SEPTIN9: variants seen among roughly 807,000 people sequenced by gnomAD.
The protein encoded by SEPTIN9 is septin 9.
SEPTIN9 carries 13 observed loss-of-function variants against 56.6 expected under a neutral mutation model. The observed-to-expected ratio is 0.23, with a 90% confidence interval of 0.15 to 0.37. SEPTIN9 has a LOEUF of 0.37. Among genes scored for constraint, SEPTIN9 ranks in the 10% least tolerant of loss-of-function variants. The pLI is 1.00. For missense variants in SEPTIN9, 650 were observed against 823.1 expected, an observed-to-expected ratio of 0.79 and a Z score of 2.57; for synonymous variants, 332 against 334.1, an observed-to-expected ratio of 0.99 and a Z score of 0.07.
chr17:77,324,411 C>G (rs1480541280), intron 2 of SEPTIN9, among the ~76,000 whole-genome samples: 1 of 152,140 alleles, frequency 6.6e-6, no homozygotes. Context: ...TTTGGGGTGG[C>G]CTTTGGCCTT....
At chr17:77,356,192 A>C (rs116587820) in intron 2 of SEPTIN9, among the ~76,000 whole-genome samples, 1 of 151,990 alleles carries the variant, frequency 6.6e-6, no homozygotes, top group Non-Finnish European at 1.5e-5. Context: ...AGCCTCATTC[A>C]TTTCTCCATC....
chr17:77,365,995 G>A lies in SEPTIN9; in HGVS notation c.77-36064G>A, dbSNP rs377349171. The stretch of plus-strand genomic sequence containing the variant: ...CCCACAGAGCAGGGTGCCTTCTTCA[G>A]AAAAACAGTAGGGAGGCCAGGACAC... On this transcript the variant is annotated intron_variant, in intron 2 of 11. Transcript: ENST00000427177. 3.9e-5 allele frequency among the ~76,000 whole-genome samples: 6 copies of A among 152,216 alleles called. 1 individual carries two copies. The highest frequency in any genetic ancestry group is 1.2e-4 in the African/African-American group (5 of 41,518).
intron 3 of SEPTIN9, among the ~76,000 whole-genome samples, chr17:77,439,280 T>C (rs114188504): frequency 0.023 from 3,468 of 152,218 alleles, 143 homozygotes; most frequent in African/African-American, 0.08. Flanking sequence ...GTAGCTACTG[T>C]ATCCAGGTGC....
At chr17:77,308,280 G>A (rs1427656576) in intron 2 of SEPTIN9, among the ~76,000 whole-genome samples, 1 of 152,250 alleles carries the variant, frequency 6.6e-6, no homozygotes, top group African/African-American at 2.4e-5. Flanking sequence ...AAAGGACACG[G>A]ACCCGGAGTC....
chr17:77,301,394 T>TTGTGTGTGTGTGTG (rs56947697), intron 1 of SEPTIN9, among the ~76,000 whole-genome samples: 22 of 142,408 alleles, frequency 1.5e-4, no homozygotes, highest in African/African-American at 5.3e-4. Context: ...GGGAATAGAT[T>TTGTGTGTGTGTGTG]TGTGTGTGTG....
intron 2 of SEPTIN9, among the ~76,000 whole-genome samples, chr17:77,380,807 G>GT: frequency 6.6e-6 from 1 of 152,328 alleles, no homozygotes; most frequent in East Asian, 1.9e-4. Flanking sequence ...CACCCCCAGG[G>GT]ACTCAGGTCT....
intron 2 of SEPTIN9, among the ~76,000 whole-genome samples, chr17:77,370,649 C>T (rs1392571451): frequency 6.6e-6 from 1 of 152,212 alleles, no homozygotes; most frequent in Non-Finnish European, 1.5e-5. Flanking sequence ...TTGCTGGATG[C>T]ACAGGCCTTT....
At chr17:77,291,049 T>TC (rs1567976301) in intron 1 of SEPTIN9, among the ~76,000 whole-genome samples, 1 of 139,964 alleles carries the variant, frequency 7.1e-6, no homozygotes, top group African/African-American at 2.7e-5. Context: ...TTTTTTTTTT[T>TC]TTTTGAGACA....
At chr17:77,473,926 A>G (rs1426730359) in intron 3 of SEPTIN9, among the ~76,000 whole-genome samples, 2 of 152,126 alleles carry the variant, frequency 1.3e-5, no homozygotes, top group Non-Finnish European at 2.9e-5. Flanking sequence ...TTTCTTTACC[A>G]TCTTGTTCCA....
chr17:77,281,526 C>T lies in SEPTIN9; in HGVS notation c.-10C>T, dbSNP rs1364398785. ...CACACTTTCCTGGGAGCGGCGGCCA[C>T]GGAGGCACCATGAAGAAGTCTTACT... On this transcript the variant is annotated 5_prime_UTR_variant, in exon 1 of 12. In the 5' UTR this introduces an upstream ATG that the reference lacks. Coordinates refer to ENST00000427177, the MANE Select transcript of SEPTIN9 (RefSeq NM_001113491.2). The T allele has an allele frequency of 1.3e-6, 2 of 1,548,732 alleles. No individual in the cohort carries two copies. Among genetic ancestry groups the T allele is most frequent in the Non-Finnish European group, 8.7e-7 (1 of 1,146,880 alleles).
At chr17:77,440,624 G>C (rs2037510749) in intron 3 of SEPTIN9, among the ~76,000 whole-genome samples, 1 of 152,192 alleles carries the variant, frequency 6.6e-6, no homozygotes, top group Non-Finnish European at 1.5e-5. Context: ...CCTTCCTCTT[G>C]GCTCCCTGCT....
intron 2 of SEPTIN9, among the ~76,000 whole-genome samples, chr17:77,361,997 A>G (rs1251190979): frequency 1.3e-5 from 2 of 152,192 alleles, no homozygotes; most frequent in South Asian, 2.1e-4. Flanking sequence ...CATATGCACC[A>G]TGTAGACCCC....
intron 1 of SEPTIN9, among the ~76,000 whole-genome samples, chr17:77,300,741 A>G (rs1289704647): frequency 6.6e-5 from 1 of 15,248 alleles, no homozygotes; most frequent in East Asian, 2.3e-3. Flanking sequence ...CCCCCATCCC[A>G]GCTCAAACCG....
chr17:77,413,940 C>CT (rs202194441), intron 3 of SEPTIN9, among the ~76,000 whole-genome samples: 1,267 of 125,716 alleles, frequency 0.01, 16 homozygotes, highest in African/African-American at 0.028. Flanking sequence ...TCAGTATTTT[C>CT]TTTTTTTTTT....
chr17:77,414,302 T>A (rs1598337152), intron 3 of SEPTIN9, among the ~76,000 whole-genome samples: 1 of 152,044 alleles, frequency 6.6e-6, no homozygotes. Flanking sequence ...CTCGAACTCC[T>A]GACCTCAGGT....
rs189128660 is a variant in SEPTIN9 at position 77,384,589 on chromosome 17, C to T, written c.77-17470C>T. Among the ~76,000 whole-genome samples the T allele has an allele frequency of 4.8e-3, 737 of 152,136 alleles. 4 individuals carry two copies. The highest frequency in any genetic ancestry group is 0.024 in the Middle Eastern group (7 of 294). On this transcript the variant is annotated intron_variant, in intron 2 of 11. Transcript: ENST00000427177. ...GTTCACACCTGCAGCGCCCCAGAAACACTCCGGGGTGCCCAGGCTTACCCA... is the reference window on the plus strand; with the variant it reads ...GTTCACACCTGCAGCGCCCCAGAAATACTCCGGGGTGCCCAGGCTTACCCA...
At chr17:77,302,766 G>A (rs1309692904) in intron 1 of SEPTIN9, among the ~76,000 whole-genome samples, 3 of 152,136 alleles carry the variant, frequency 2.0e-5, no homozygotes, top group African/African-American at 7.2e-5. Context: ...GCCCAAAGAG[G>A]GGCTGTACTT....
intron 1 of SEPTIN9, among the ~76,000 whole-genome samples, chr17:77,296,811 C>A (rs1019645506): frequency 2.0e-5 from 3 of 152,046 alleles, no homozygotes; most frequent in Non-Finnish European, 4.4e-5. Context: ...TGAGATCACG[C>A]CACTGCACTC....
At position 77,425,872 on chromosome 17, in the gene SEPTIN9, G is replaced by A. The variant is rs1401581387; in HGVS notation, c.721+23169G>A. 6.6e-6 allele frequency among the ~76,000 whole-genome samples: 1 copy of A among 152,228 alleles called. No homozygotes were observed. The highest frequency in any genetic ancestry group is 1.5e-5 in the Non-Finnish European group (1 of 68,044). ...GGTTGTGCGGTCTTGGACAGTCCCA[G>A]CCCTCCTGGAGCTGAGCATCCTGAT... On this transcript the variant is annotated intron_variant, in intron 3 of 11. Transcript: ENST00000427177. The surrounding 1 kb of genome is among the most constrained non-coding windows in gnomAD (Gnocchi z 4.2).
Sources: gnomAD v4.1 joint callset for allele counts (sites outside exome capture counted in the v4.1 genomes callset) on GRCh38, gnomAD v4.1.1 for gene constraint, Gnocchi (gnomAD v3.1) non-coding constraint, MANE v1.5 for transcripts, NCBI Gene and HGNC (gene_info 2026-07-23, HGNC 2026-07-21) for gene names.